Variants in RPS6KC1 observed in about 807,000 individuals in gnomAD.
RPS6KC1 encodes the protein ribosomal protein S6 kinase C1, also known as inactive ribosomal protein S6 kinase delta-1.
A neutral mutation model predicts 103.8 loss-of-function variants in RPS6KC1; 54 were observed. The observed-to-expected ratio is 0.52, with a 90% CI of 0.42 to 0.65. The LOEUF (loss-of-function observed/expected upper bound fraction) is 0.65, where lower values mean the gene tolerates loss of function less well. Ranked by LOEUF, RPS6KC1 falls within the 30% of genes least tolerant of loss-of-function variation. The pLI, the probability that RPS6KC1 is intolerant of heterozygous loss-of-function variation, is 0.00. For synonymous variants in RPS6KC1, 439 were observed against 438.7 expected (o/e 1.00, Z -0.01); for missense variants, 1,151 against 1,253.8 (o/e 0.92, Z 1.24).
intron 14 of RPS6KC1, among the ~76,000 whole-genome samples, chr1:213,267,982 G>A (rs1241081049): frequency 6.6e-6 from 1 of 151,784 alleles, no homozygotes; most frequent in Non-Finnish European, 1.5e-5. Context: ...AGTCCCAGAA[G>A]GAGAGGAGAA....
chr1:213,846,128 T>TAAAAA, the RPS6KC1 span, among the ~76,000 whole-genome samples: 1 of 82,842 alleles, frequency 1.2e-5, no homozygotes, highest in African/African-American at 4.6e-5. Context: ...CCGTCTCAAC[T>TAAAAA]AAAAAAAAAA....
At chr1:213,791,961 A>G in the RPS6KC1 span, among the ~76,000 whole-genome samples, 1 of 152,332 alleles carries the variant, frequency 6.6e-6, no homozygotes, top group African/African-American at 2.4e-5. Flanking sequence ...ATAGTACGCC[A>G]TGTTCAGGCA....
intron 1 of RPS6KC1, among the ~76,000 whole-genome samples, chr1:213,060,014 T>C (rs1033997678): frequency 6.6e-6 from 1 of 152,194 alleles, no homozygotes; most frequent in Admixed American, 6.5e-5. Flanking sequence ...GACGGGGTTT[T>C]GCCATGTTGG....
the RPS6KC1 span, among the ~76,000 whole-genome samples, chr1:213,354,404 C>T: frequency 6.6e-6 from 1 of 152,192 alleles, no homozygotes; most frequent in Non-Finnish European, 1.5e-5. Flanking sequence ...CAACTGCTCA[C>T]CTGCCCTGAC....
the RPS6KC1 span, among the ~76,000 whole-genome samples, chr1:213,338,225 C>A: frequency 6.6e-6 from 1 of 152,168 alleles, no homozygotes; most frequent in Non-Finnish European, 1.5e-5. Context: ...CCTCCAAGGG[C>A]CTTTTCAGCA....
At chr1:213,757,567 G>A in the RPS6KC1 span, among the ~76,000 whole-genome samples, 2 of 152,218 alleles carry the variant, frequency 1.3e-5, no homozygotes, top group African/African-American at 4.8e-5. Flanking sequence ...CAGGAAAGGA[G>A]CTGTCTCCAT....
the RPS6KC1 span, among the ~76,000 whole-genome samples, chr1:213,410,972 T>G: frequency 5.9e-5 from 9 of 152,124 alleles, no homozygotes; most frequent in South Asian, 1.9e-3. Context: ...TCAAGGGATA[T>G]GAGGCTGAAG....
intron 12 of RPS6KC1, among the ~76,000 whole-genome samples, chr1:213,251,045 G>GA (rs2094535834): frequency 6.7e-6 from 1 of 148,344 alleles, no homozygotes; most frequent in South Asian, 2.2e-4. Context: ...AACAGGGATA[G>GA]AAAAAACCTT....
At chr1:213,413,791 C>A in the RPS6KC1 span, among the ~76,000 whole-genome samples, 11 of 152,176 alleles carry the variant, frequency 7.2e-5, no homozygotes, top group Non-Finnish European at 1.5e-5. Context: ...GAAAAGACCA[C>A]ACAGTGCATA....
At chr1:213,584,902 T>C in the RPS6KC1 span, among the ~76,000 whole-genome samples, 4 of 152,200 alleles carry the variant, frequency 2.6e-5, no homozygotes, top group East Asian at 1.9e-4. Context: ...CAAAAGGCAA[T>C]GGTTGACTGG....
At chr1:213,485,797 A>T in the RPS6KC1 span, among the ~76,000 whole-genome samples, 2 of 152,182 alleles carry the variant, frequency 1.3e-5, no homozygotes, top group Admixed American at 1.3e-4. Flanking sequence ...ACAATAGCAG[A>T]TGTGTGTGCT....
the RPS6KC1 span, among the ~76,000 whole-genome samples, chr1:213,348,418 CAT>C: frequency 6.6e-6 from 1 of 152,162 alleles, no homozygotes; most frequent in Admixed American, 6.5e-5. Context: ...GCCAATGAAA[CAT>C]AGAGAAGTCT....
chr1:213,455,765 C>A, the RPS6KC1 span, among the ~76,000 whole-genome samples: 1 of 152,178 alleles, frequency 6.6e-6, no homozygotes, highest in Non-Finnish European at 1.5e-5. Flanking sequence ...AACTGACCAA[C>A]AGTAAGAAGC....
the RPS6KC1 span, among the ~76,000 whole-genome samples, chr1:213,423,520 T>G: frequency 1.3e-5 from 2 of 151,814 alleles, no homozygotes; most frequent in African/African-American, 2.4e-5. Flanking sequence ...CCCAGGAGGG[T>G]GGCTTTGGGG....
At chr1:213,543,433 T>A in the RPS6KC1 span, among the ~76,000 whole-genome samples, 35 of 152,146 alleles carry the variant, frequency 2.3e-4, no homozygotes, top group African/African-American at 8.0e-4. Context: ...TGGGGCTATG[T>A]GGGAGGGAGA....
At chr1:213,776,252 C>T in the RPS6KC1 span, among the ~76,000 whole-genome samples, 1 of 152,176 alleles carries the variant, frequency 6.6e-6, no homozygotes, top group African/African-American at 2.4e-5. Context: ...TTTTAATGGA[C>T]TTTTCCCAGA....
At chr1:213,656,551 TCAAA>T in the RPS6KC1 span, among the ~76,000 whole-genome samples, 1 of 151,204 alleles carries the variant, frequency 6.6e-6, no homozygotes, top group Non-Finnish European at 1.5e-5. Flanking sequence ...TACCGAAGAG[TCAAA>T]CAGAGACTGA....
Position 213,240,831 on chromosome 1 carries a change from A to G in RPS6KC1, c.1355A>G (p.Asp452Gly), listed in dbSNP as rs773968828. Residue 452 changes from aspartate to glycine, a missense_variant, in exon 11 of 15, where the codon GAC becomes GGC. This residue lies in a region of RPS6KC1 where 959 missense variants were observed against 1,006.3 expected (regional missense o/e 0.95). Coordinates refer to ENST00000366960, the MANE Select transcript of RPS6KC1 (RefSeq NM_012424.6). ...CAGCAGCCAACTTCTAGTCCTCAGGACAGCAGTAGCTTTGAATCCAGAGGA... is the reference window on the plus strand; with the variant it reads ...CAGCAGCCAACTTCTAGTCCTCAGGGCAGCAGTAGCTTTGAATCCAGAGGA... ...HLQQPTSSPQ[D>G]SSSFESRGSD... The G allele has an allele frequency of 1.2e-6, 2 of 1,613,964 alleles. No individual in the cohort carries two copies. Among genetic ancestry groups the G allele is most frequent in the Non-Finnish European group, 8.5e-7 (1 of 1,179,890 alleles).
In RPS6KC1 at chr1:213,114,154, A is replaced by G. The variant is rs531237598; in HGVS notation, c.379-3163A>G. 2.6e-5 allele frequency among the ~76,000 whole-genome samples: 4 copies of G among 152,122 alleles called. 1 individual carries two copies. Among genetic ancestry groups the G allele is most frequent in the Non-Finnish European group, 5.9e-5 (4 of 68,008 alleles). ...GAATCTGTAAATTACCTTGGGCAGT[A>G]TGGCCATTTTCACGATATGGATTCT... On this transcript the variant is annotated intron_variant, in intron 4 of 14. Coordinates refer to ENST00000366960, the MANE Select transcript of RPS6KC1 (RefSeq NM_012424.6).
Sources: allele counts gnomAD v4.1 joint callset (sites outside exome capture counted in the v4.1 genomes callset), GRCh38; gene constraint gnomAD v4.1.1; regional missense constraint gnomAD v4.1.1; transcripts MANE v1.5; gene names NCBI Gene and HGNC (gene_info 2026-07-23, HGNC 2026-07-21).